Variants in VWA3A observed in about 807,000 individuals in gnomAD.
The protein encoded by VWA3A is von Willebrand factor A domain-containing protein 3A.
A neutral mutation model predicts 160.4 loss-of-function variants in VWA3A; 134 were observed. The observed-to-expected ratio is 0.84, with a 90% CI of 0.73 to 0.96. VWA3A has a LOEUF of 0.96. Among genes scored for constraint, VWA3A ranks in the 40% least tolerant of loss-of-function variants. The pLI, the probability that VWA3A is intolerant of heterozygous loss-of-function variation, is 0.00. For synonymous variants in VWA3A, 476 were observed against 543.4 expected (o/e 0.88, Z 1.72); for missense variants, 1,310 against 1,447.9 (o/e 0.90, Z 1.55).
chr16:22,155,964 C>G, intron 33 of VWA3A, 48 bp downstream of exon 33: 1 of 1,575,594 alleles, frequency 6.3e-7, no homozygotes, highest in South Asian at 1.1e-5. Flanking sequence ...GCACTAAGCA[C>G]CAAGTGGCAT....
chr16:22,124,542 T>C (rs1029333314), intron 16 of VWA3A, among the ~76,000 whole-genome samples: 46 of 120,118 alleles, frequency 3.8e-4, no homozygotes, highest in African/African-American at 1.6e-3. Context: ...ATTATTATTA[T>C]TATTATTATT....
chr16:22,106,686 A>G (rs1358759392), intron 6 of VWA3A, among the ~76,000 whole-genome samples: 1 of 152,222 alleles, frequency 6.6e-6, no homozygotes, highest in African/African-American at 2.4e-5. Flanking sequence ...GAGGGCTTTA[A>G]TAAAGCAGGG....
chr16:22,140,129 A>G, intron 22 of VWA3A, 25 bp from the exon 23 acceptor site: 2 of 1,607,892 alleles, frequency 1.2e-6, no homozygotes, highest in Non-Finnish European at 1.7e-6. Context: ...CACTCCTCTG[A>G]TGGGAAAGAT....
rs1166507696 is a variant in VWA3A, at chr16:22,116,757, A to G, written c.816-2A>G. The G allele has an allele frequency of 6.2e-7, 1 of 1,612,332 alleles. No individual in the cohort carries two copies. Among genetic ancestry groups the G allele is most frequent in the Non-Finnish European group, 8.5e-7 (1 of 1,179,534 alleles). On this transcript the variant is annotated splice_acceptor_variant, in intron 9 of 33. Coordinates refer to ENST00000389398, the MANE Select transcript of VWA3A (RefSeq NM_173615.5). LOFTEE classifies it high-confidence loss of function. Reference sequence around the variant, plus strand: ...TCCACTTCTCTTCTGCCTTCTCCACAGCCCAGATCAGCCTTCTGAAATCCT... The same window carrying G: ...TCCACTTCTCTTCTGCCTTCTCCACGGCCCAGATCAGCCTTCTGAAATCCT...
intron 31 of VWA3A, among the ~76,000 whole-genome samples, chr16:22,155,163 C>T (rs1454342488): frequency 6.6e-6 from 1 of 151,768 alleles, no homozygotes; most frequent in Non-Finnish European, 1.5e-5. Flanking sequence ...CTAAAATCAA[C>T]CAAATAAAAA....
intron 6 of VWA3A, among the ~76,000 whole-genome samples, chr16:22,105,649 G>C (rs758740426): frequency 1.2e-4 from 18 of 152,178 alleles, no homozygotes; most frequent in Non-Finnish European, 1.8e-4. Context: ...CTTGAAAAAT[G>C]AGAATATCTG....
At chr16:22,103,646 C>A in intron 6 of VWA3A, 117 bp downstream of exon 6, 2 of 1,208,032 alleles carry the variant, frequency 1.7e-6, no homozygotes, top group Non-Finnish European at 2.3e-6. Flanking sequence ...TAAAAAAAGG[C>A]ATTTACTAAC....
chr16:22,095,768 C>G (rs2045310318), intron 1 of VWA3A, among the ~76,000 whole-genome samples: 1 of 151,948 alleles, frequency 6.6e-6, no homozygotes, highest in Non-Finnish European at 1.5e-5. Context: ...CGCTGGTTTG[C>G]CAAGGCTGGT....
chr16:22,094,697 G>A (rs143181378), intron 1 of VWA3A, among the ~76,000 whole-genome samples: 2 of 152,160 alleles, frequency 1.3e-5, no homozygotes, highest in Non-Finnish European at 2.9e-5. Flanking sequence ...GGGCGTGGTG[G>A]CTCAACACCT....
intron 28 of VWA3A, among the ~76,000 whole-genome samples, chr16:22,149,425 G>C (rs375874899): frequency 6.6e-6 from 1 of 152,008 alleles, no homozygotes; most frequent in Admixed American, 6.6e-5. Context: ...AATCTTTTTC[G>C]TAGAGATGGG....
intron 1 of VWA3A, among the ~76,000 whole-genome samples, chr16:22,094,747 C>T (rs939678123): frequency 2.6e-5 from 4 of 152,064 alleles, no homozygotes; most frequent in Non-Finnish European, 4.4e-5. Flanking sequence ...AAGTGGATCA[C>T]CTGAGGTCAA....
At position 22,119,027 on chromosome 16, in the gene VWA3A, G is replaced by A. The variant is rs748452609; in HGVS notation, c.1116G>A (p.Glu372=). The change falls in exon 12 of 34, where the codon GAG becomes GAA. Residue 372 remains glutamate (E), a splice_region_variant and synonymous_variant. Transcript: ENST00000389398. The part of the protein sequence containing the change: ...PCEALTCTME[E]ISTEITNGPL... ...AGGCGCTCACCTGCACCATGGAGGA[G>A]GTAGGTGGTGCGAGTGTCAATTCTG... 1 of 1,608,012 alleles carries A rather than the reference G, an allele frequency of 6.2e-7. No individual in the cohort carries two copies.
intron 5 of VWA3A, 69 bp from the exon 6 acceptor site, chr16:22,103,406 G>A (rs576517532): frequency 3.6e-6 from 5 of 1,379,678 alleles, no homozygotes; most frequent in Non-Finnish European, 5.0e-6. Context: ...TGCCTTTTGT[G>A]TATGTAAGTG....
Position 22,131,598 on chromosome 16 carries a change from C to T in VWA3A, c.1741C>T (p.Leu581=). 6.2e-7 allele frequency: 1 copy of T among 1,613,136 alleles called. No homozygotes were observed. Among genetic ancestry groups the T allele is most frequent in the Non-Finnish European group, 8.5e-7 (1 of 1,179,474 alleles). ...LQSAWRWALN[L]RCRGSRNVLS... ...CTGCCTCCGCAGGTGGGCCCTGAAC[C>T]TGCGGTGTCGGGGCAGCAGGAACGT... Residue 581 remains leucine (L), a synonymous_variant, in exon 19 of 34, where the codon CTG becomes TTG. Coordinates refer to ENST00000389398, the MANE Select transcript of VWA3A (RefSeq NM_173615.5).
chr16:22,144,385 G>A lies in VWA3A; in HGVS notation c.2730+1G>A, dbSNP rs1215640005. On this transcript the variant is annotated splice_donor_variant, in intron 26 of 33. Transcript: ENST00000389398. LOFTEE classifies it high-confidence loss of function. ...CATCTTCCCCAGCGTTGAGATCCAT[G>A]TAAGTCACAATTTTCATCATCGTCT... 6.2e-7 allele frequency: 1 copy of A among 1,610,574 alleles called. No individual in the cohort carries two copies. The highest frequency in any genetic ancestry group is 1.1e-5 in the South Asian group (1 of 90,250).
chr16:22,146,376 G>A, intron 27 of VWA3A, 32 bp downstream of exon 27: 1 of 1,589,720 alleles, frequency 6.3e-7, no homozygotes, highest in South Asian at 1.1e-5. Flanking sequence ...AAGGGTGGAG[G>A]AGCATGAGGG....
intron 20 of VWA3A, among the ~76,000 whole-genome samples, chr16:22,134,164 C>T (rs190336268): frequency 1.3e-5 from 2 of 152,090 alleles, no homozygotes; most frequent in East Asian, 1.9e-4. Context: ...GAAGGGGTCT[C>T]ACTATATTGC....
chr16:22,133,076 C>T lies in VWA3A; in HGVS notation c.2049C>T (p.Phe683=). Residue 683 remains phenylalanine, a synonymous_variant, in exon 20 of 34, where the codon TTC becomes TTT. Coordinates refer to ENST00000389398, the MANE Select transcript of VWA3A (RefSeq NM_173615.5). ...TCACCCGGGCTGCAGGTGGCCGCTT[C>T]CACTGGTTTGGAGACACAGGTACAT... ...KEVTRAAGGR[F]HWFGDTGIYE... The T allele has an allele frequency of 6.2e-7, 1 of 1,613,068 alleles. No individual in the cohort carries two copies. The highest frequency in any genetic ancestry group is 8.5e-7 in the Non-Finnish European group (1 of 1,179,524).
Position 22,098,911 on chromosome 16 carries a change from CAA to C in VWA3A, c.225+1242_225+1243del, listed in dbSNP as rs900328333. Among the ~76,000 whole-genome samples the C allele has an allele frequency of 5.8e-4, 24 of 41,058 alleles. No homozygotes were observed. In the East Asian group the frequency reaches 9.2e-3, roughly 16 times the overall value. 26.9% of individuals were successfully genotyped at this position (41,058 alleles called of 152,430 possible). On this transcript the variant is annotated intron_variant, in intron 3 of 33. Transcript: ENST00000389398. Reference sequence around the variant, plus strand: ...GCAACATGGTGAAACCCTGTTTCCACAAAAAAAAAAAAAAAAAAAAAAAAAAA... The same window carrying C: ...GCAACATGGTGAAACCCTGTTTCCACAAAAAAAAAAAAAAAAAAAAAAAAA...
Sources: gnomAD v4.1 joint callset for allele counts (sites outside exome capture counted in the v4.1 genomes callset) on GRCh38, gnomAD v4.1.1 for gene constraint, MANE v1.5 for transcripts, NCBI Gene and HGNC (gene_info 2026-07-23, HGNC 2026-07-21) for gene names.